ABLIM1: variants seen among roughly 807,000 people sequenced by gnomAD.
ABLIM1 encodes the protein actin binding LIM protein 1, also known as actin-binding LIM protein 1.
ABLIM1 carries 40 observed loss-of-function variants against 107.0 expected under a neutral mutation model. That is an observed-to-expected ratio of 0.37 (90% CI 0.29 to 0.49). The LOEUF is 0.49. Among genes scored for constraint, ABLIM1 ranks in the 20% least tolerant of loss-of-function variants. The pLI, the probability that ABLIM1 is intolerant of heterozygous loss-of-function variation, is 0.97. For synonymous variants in ABLIM1, 357 were observed against 357.3 expected, an observed-to-expected ratio of 1.00 and a Z score of 0.01; for missense variants, 857 against 1,008.5, an observed-to-expected ratio of 0.85 and a Z score of 2.04.
intron 8 of ABLIM1, among the ~76,000 whole-genome samples, chr10:114,478,001 C>G (rs11196758): frequency 1.7e-3 from 259 of 152,228 alleles, no homozygotes; most frequent in Non-Finnish European, 2.8e-3. Flanking sequence ...GGATTACAGA[C>G]GTGAGCCATA....
At chr10:114,608,079 T>G (rs536538707) in intron 1 of ABLIM1, among the ~76,000 whole-genome samples, 1 of 152,306 alleles carries the variant, frequency 6.6e-6, no homozygotes, top group South Asian at 2.1e-4. Context: ...AAATAAAGCT[T>G]ATAGGCCGGG....
chr10:114,787,688 C>T, the ABLIM1 span, among the ~76,000 whole-genome samples: 1 of 136,294 alleles, frequency 7.3e-6, no homozygotes, highest in East Asian at 2.3e-4. Context: ...GGCCAGCCAC[C>T]CCGTCCGGGA....
intron 4 of ABLIM1, among the ~76,000 whole-genome samples, chr10:114,561,148 A>G (rs928763553): frequency 6.6e-6 from 1 of 152,234 alleles, no homozygotes; most frequent in Non-Finnish European, 1.5e-5. Context: ...GGTTTATGAT[A>G]AATCTTTAAC....
At chr10:114,780,536 C>T in the ABLIM1 span, among the ~76,000 whole-genome samples, 3 of 152,094 alleles carry the variant, frequency 2.0e-5, no homozygotes, top group South Asian at 6.2e-4. Context: ...TAAAACTGGC[C>T]TGTTTGGGGA....
intron 10 of ABLIM1, among the ~76,000 whole-genome samples, chr10:114,468,857 C>T (rs1047479664): frequency 6.6e-6 from 1 of 151,756 alleles, no homozygotes; most frequent in Non-Finnish European, 1.5e-5. Context: ...CGAGACCATC[C>T]TGGCTAACAT....
At chr10:114,683,288 A>G (rs1294514968) in intron 1 of ABLIM1, among the ~76,000 whole-genome samples, 1 of 152,228 alleles carries the variant, frequency 6.6e-6, no homozygotes, top group Non-Finnish European at 1.5e-5. Flanking sequence ...TCTTTCCAGT[A>G]AACGTCCAAG....
At chr10:114,652,070 G>C (rs1218906800) in intron 1 of ABLIM1, among the ~76,000 whole-genome samples, 1 of 152,176 alleles carries the variant, frequency 6.6e-6, no homozygotes, top group Non-Finnish European at 1.5e-5. Context: ...TTTATGGCTA[G>C]CTCAAACACT....
chr10:114,753,891 G>A lies in ABLIM1; in HGVS notation c.-213+14170C>T, dbSNP rs138072914. Among the ~76,000 whole-genome samples, 23 of 152,132 alleles carry A rather than the reference G, an allele frequency of 1.5e-4. 1 individual carries two copies. Among genetic ancestry groups the A allele is most frequent in the Admixed American group, 9.8e-4 (15 of 15,282 alleles). On this transcript the variant is annotated intron_variant, in intron 1 of 15. Coordinates refer to the ABLIM1 transcript ENST00000651092. ...AGATGAGATGGAGTCATGCTCTGTC[G>A]CCCAGGCTGGATTGCAATGGCACAA...
chr10:114,734,425 C>T (rs2082137598), intron 1 of ABLIM1, among the ~76,000 whole-genome samples: 1 of 152,156 alleles, frequency 6.6e-6, no homozygotes, highest in Non-Finnish European at 1.5e-5. Context: ...ACTCCAATGA[C>T]ACTCTCCCAA....
chr10:114,624,717 T>A (rs2140507542), intron 1 of ABLIM1, among the ~76,000 whole-genome samples: 1 of 152,246 alleles, frequency 6.6e-6, no homozygotes, highest in African/African-American at 2.4e-5. Context: ...TCTCTCTGGA[T>A]AAACATTTTT....
intron 1 of ABLIM1, among the ~76,000 whole-genome samples, chr10:114,634,129 C>CCTTTTTTTTTTTT (rs1555212577): frequency 5.9e-5 from 4 of 68,300 alleles, no homozygotes; most frequent in Admixed American, 2.0e-4. Context: ...CTCAATTTTT[C>CCTTTTTTTTTTTT]TTTTTTTTTT....
At position 114,439,156 on chromosome 10, in the gene ABLIM1, A is replaced by G; in HGVS notation, c.2142+20T>C. On this transcript the variant is annotated intron_variant, in intron 21 of 22. Transcript: ENST00000533213. ...GTTACGCCATTCCCATATGAGAGGAAAAAGAACAGCTGCACTTGCCTTTGG... is the reference window on the plus strand; with the variant it reads ...GTTACGCCATTCCCATATGAGAGGAGAAAGAACAGCTGCACTTGCCTTTGG... 1 of 1,614,114 alleles carries G rather than the reference A, an allele frequency of 6.2e-7. No individual in the cohort carries two copies. Among genetic ancestry groups the G allele is most frequent in the Non-Finnish European group, 8.5e-7 (1 of 1,179,914 alleles).
In ABLIM1 at chr10:114,644,338, T is replaced by TATACATATATATGTATATATACA. The variant is rs1566167151; in HGVS notation, c.244+13618_244+13619insTGTATATATACATATATATGTAT. Among the ~76,000 whole-genome samples the TATACATATATATGTATATATACA allele has an allele frequency of 9.7e-3, 1,253 of 129,570 alleles. 42 individuals are homozygous for TATACATATATATGTATATATACA. Among genetic ancestry groups the TATACATATATATGTATATATACA allele is most frequent in the African/African-American group, 0.04 (1,195 of 29,734 alleles). 85.0% of individuals were successfully genotyped at this position (129,570 alleles called of 152,430 possible). On this transcript the variant is annotated intron_variant, in intron 1 of 22. Coordinates refer to ENST00000533213, the MANE Select transcript of ABLIM1 (RefSeq NM_002313.7). ...ATATATATATATATATATGTGTATA[T>TATACATATATATGTATATATACA]ATTGTATATATACATATATATATAC...
intron 8 of ABLIM1, among the ~76,000 whole-genome samples, chr10:114,481,775 C>T (rs2057414497): frequency 6.6e-6 from 1 of 152,150 alleles, no homozygotes; most frequent in Non-Finnish European, 1.5e-5. Flanking sequence ...TAAAGACACA[C>T]TCAAAAGGAT....
intron 1 of ABLIM1, among the ~76,000 whole-genome samples, chr10:114,767,250 A>C (rs890828281): frequency 3.9e-5 from 6 of 152,222 alleles, no homozygotes; most frequent in Admixed American, 6.5e-5. Context: ...AGGGTATCAA[A>C]AGGGGTGGCA....
chr10:114,770,415 C>T (rs1466223599), upstream of ABLIM1, among the ~76,000 whole-genome samples: 1 of 152,188 alleles, frequency 6.6e-6, no homozygotes, highest in Non-Finnish European at 1.5e-5. Flanking sequence ...CCTACTCAAA[C>T]ATTTTACTGT....
intron 4 of ABLIM1, among the ~76,000 whole-genome samples, chr10:114,561,824 A>AG (rs2069750073): frequency 6.6e-6 from 1 of 152,210 alleles, no homozygotes; most frequent in South Asian, 2.1e-4. Flanking sequence ...ACCTACTGAA[A>AG]GCACTTTTAA....
At position 114,436,274 on chromosome 10, in the gene ABLIM1, C is replaced by T. The variant is rs1435290549; in HGVS notation, c.2323G>A (p.Ala775Thr). 1 of 1,613,542 alleles carries T rather than the reference C, an allele frequency of 6.2e-7. No homozygotes were observed. The highest frequency in any genetic ancestry group is 8.5e-7 in the Non-Finnish European group (1 of 1,179,658). ...ACGAGTGGGACTTAGAAGAGTTTTGCTTTTTTCTTCATGTCGTTGCGTCTC... is the reference window on the plus strand; with the variant it reads ...ACGAGTGGGACTTAGAAGAGTTTTGTTTTTTTCTTCATGTCGTTGCGTCTC... Reference protein sequence around the residue: ...LWRRNDMKKKAKLF With the variant: ...LWRRNDMKKKTKLF Residue 775 changes from alanine (A) to threonine (T), a missense_variant, in exon 23 of 23, where the codon GCA becomes ACA. Ala to Thr is a moderately conservative substitution (Grantham distance 58). Coordinates refer to ENST00000533213, the MANE Select transcript of ABLIM1 (RefSeq NM_002313.7).
At chr10:114,465,411 G>A (rs190836809) in intron 12 of ABLIM1, 42 of 224,462 alleles carry the variant, frequency 1.9e-4, no homozygotes, top group Middle Eastern at 3.0e-3. Flanking sequence ...AAAGTGAAGA[G>A]ATTTTTGTTA....
Sources: gnomAD v4.1 joint callset for allele counts (sites outside exome capture counted in the v4.1 genomes callset) on GRCh38, gnomAD v4.1.1 for gene constraint, MANE v1.5 for transcripts, NCBI Gene and HGNC (gene_info 2026-07-23, HGNC 2026-07-21) for gene names.